The following C5orf47 variants were observed in gnomAD, a reference collection of about 807,000 sequenced individuals.
C5orf47 encodes chromosome 5 open reading frame 47, also known as uncharacterized protein C5orf47.
C5orf47 carries 20 observed loss-of-function variants against 20.6 expected under a neutral mutation model. The observed-to-expected ratio is 0.97, with a 90% CI of 0.68 to 1.41. The LOEUF (loss-of-function observed/expected upper bound fraction) is 1.41. C5orf47 is among the 40% of genes most tolerant of loss of function. C5orf47 has a pLI of 0.00. For missense variants in C5orf47, 262 were observed against 238.4 expected (o/e 1.10, Z -0.65); for synonymous variants, 106 against 97.3 (o/e 1.09, Z -0.53).
rs184983920 is a variant in C5orf47 at position 174,004,675 on chromosome 5, C to G, written c.*421C>G. 178 of 152,370 alleles carry G rather than the reference C, an allele frequency of 1.2e-3. 1 individual carries two copies. Among genetic ancestry groups the G allele is most frequent in the African/African-American group, 3.9e-3 (163 of 41,556 alleles). 9.4% of individuals were successfully genotyped at this position (152,370 alleles called of 1,614,324 possible). ...GTAACTCTTAAATTAAACTTGGATT[C>G]ATTTAAATTATTTTTGGCTTCCTCT... On this transcript the variant is annotated 3_prime_UTR_variant, in exon 5 of 5. Transcript: ENST00000340147.
chr5:174,002,787 T>A (rs1441874899), intron 4 of C5orf47, among the ~76,000 whole-genome samples: 1 of 152,194 alleles, frequency 6.6e-6, no homozygotes, highest in Non-Finnish European at 1.5e-5. Flanking sequence ...AAAATTTTGG[T>A]ACTAGATATA....
chr5:174,008,617 G>A (rs1759327316), downstream of C5orf47, among the ~76,000 whole-genome samples: 1 of 152,054 alleles, frequency 6.6e-6, no homozygotes, highest in African/African-American at 2.4e-5. Context: ...TGGATCACGA[G>A]GTCAGGAGAT....
At chr5:173,999,450 A>G (rs61688703) in intron 2 of C5orf47, among the ~76,000 whole-genome samples, 5,780 of 152,268 alleles carry the variant, frequency 0.038, 114 homozygotes, top group African/African-American at 0.058. Context: ...TTGAAAGGCA[A>G]TTTCATCCAG....
chr5:174,003,235 A>G (rs1759230165), intron 4 of C5orf47, among the ~76,000 whole-genome samples: 1 of 152,206 alleles, frequency 6.6e-6, no homozygotes, highest in Non-Finnish European at 1.5e-5. Flanking sequence ...CATTTTAGAA[A>G]GAATGTGATG....
intron 4 of C5orf47, among the ~76,000 whole-genome samples, chr5:174,002,495 A>C (rs1329588140): frequency 6.6e-6 from 1 of 152,180 alleles, no homozygotes; most frequent in East Asian, 1.9e-4. Flanking sequence ...AATGATTTCA[A>C]ATGTACAGAA....
In C5orf47 at chr5:174,005,760, TTA is replaced by T. The variant is rs1038674103; in HGVS notation, c.*1510_*1511del. 36 of 152,338 alleles carry T rather than the reference TTA, an allele frequency of 2.4e-4. 1 individual carries two copies. Among genetic ancestry groups the T allele is most frequent in the African/African-American group, 8.4e-4 (35 of 41,444 alleles). The allele number at this position is 152,338 out of a possible 1,614,324, so 9.4% of individuals were successfully genotyped here. On this transcript the variant is annotated 3_prime_UTR_variant, in exon 5 of 5. Transcript: ENST00000340147. ...GTTTTAGGTTTGCTTCAATGTATGT[TTA>T]TATTTATGTGACTTATACAACTTGA...
downstream of C5orf47, among the ~76,000 whole-genome samples, chr5:174,008,020 T>C (rs1030680936): frequency 4.6e-5 from 7 of 152,144 alleles, no homozygotes; most frequent in Non-Finnish European, 1.0e-4. Flanking sequence ...ATGTGTGTGC[T>C]CCCAAGGGTG....
chr5:173,990,125 ATT>A (rs11292600), intron 1 of C5orf47, among the ~76,000 whole-genome samples: 17,600 of 138,060 alleles, frequency 0.13, 1,474 homozygotes, highest in East Asian at 0.35. Flanking sequence ...TAGGAAGCCA[ATT>A]TTTTTTTTTT....
At chr5:173,996,829 G>A (rs1252939763) in intron 1 of C5orf47, among the ~76,000 whole-genome samples, 2 of 152,068 alleles carry the variant, frequency 1.3e-5, no homozygotes, top group Non-Finnish European at 2.9e-5. Context: ...GAAGGGAGAC[G>A]ACCAAGTCTT....
At chr5:173,998,305 G>T in intron 2 of C5orf47, 67 bp downstream of exon 2, 1 of 820,208 alleles carries the variant, frequency 1.2e-6, no homozygotes. Context: ...ATACAAATGT[G>T]TAAAGATATT....
At chr5:173,994,805 C>T (rs564776051) in intron 1 of C5orf47, among the ~76,000 whole-genome samples, 1 of 152,106 alleles carries the variant, frequency 6.6e-6, no homozygotes, top group South Asian at 2.1e-4. Context: ...CTTGGGTGTA[C>T]TTAATGTTTG....
chr5:173,995,024 G>A (rs1371377179), intron 1 of C5orf47, among the ~76,000 whole-genome samples: 1 of 152,090 alleles, frequency 6.6e-6, no homozygotes, highest in East Asian at 1.9e-4. Context: ...TGTAGGCCAG[G>A]CTGGTCTTGA....
chr5:173,996,360 T>G (rs929374521), intron 1 of C5orf47, among the ~76,000 whole-genome samples: 3 of 152,224 alleles, frequency 2.0e-5, no homozygotes, highest in Admixed American at 6.5e-5. Flanking sequence ...ATATGTCTTT[T>G]TTCTTTTTCA....
chr5:174,001,975 G>A (rs1027554113), intron 4 of C5orf47, among the ~76,000 whole-genome samples: 9 of 143,582 alleles, frequency 6.3e-5, no homozygotes, highest in Non-Finnish European at 1.4e-4. Flanking sequence ...TTTTTAAAGA[G>A]ACAGGGTTTT....
At chr5:174,001,001 C>T (rs1301616969) in intron 3 of C5orf47, among the ~76,000 whole-genome samples, 195 bp from the exon 4 acceptor site, 2 of 152,098 alleles carry the variant, frequency 1.3e-5, no homozygotes, top group African/African-American at 4.8e-5. Context: ...GCTGTGTTTT[C>T]CATAAATAGC....
Position 173,989,503 on chromosome 5 carries a change from C to T in C5orf47, c.240C>T (p.Thr80=), listed in dbSNP as rs925671556. The change falls in exon 1 of 5, where the codon ACC becomes ACT. Residue 80 remains threonine, a synonymous_variant. Coordinates refer to ENST00000340147, the MANE Select transcript of C5orf47 (RefSeq NM_001144954.2). The stretch of plus-strand genomic sequence containing the variant: ...GTTCCCAGCTCAGGGTCCCCACGAC[C>T]CCTGGTGTGGAGGCTGCGGCCTCTG... ...PLGSQLRVPT[T]PGVEAAASAS... 10 of 1,544,504 alleles carry T rather than the reference C, an allele frequency of 6.5e-6. No homozygotes were observed. In the East Asian group the frequency reaches 2.5e-4, roughly 38 times the overall value.
chr5:174,008,615 G>A (rs1395753845), downstream of C5orf47, among the ~76,000 whole-genome samples: 4 of 152,042 alleles, frequency 2.6e-5, no homozygotes, highest in East Asian at 3.9e-4. Context: ...GGTGGATCAC[G>A]AGGTCAGGAG....
At chr5:173,993,529 A>G (rs1759036404) in intron 1 of C5orf47, among the ~76,000 whole-genome samples, 1 of 152,302 alleles carries the variant, frequency 6.6e-6, no homozygotes, top group East Asian at 1.9e-4. Context: ...CTGTAATCCC[A>G]GCTACTGGGG....
intron 3 of C5orf47, among the ~76,000 whole-genome samples, chr5:174,000,114 T>C (rs971633760): frequency 6.6e-6 from 1 of 152,092 alleles, no homozygotes; most frequent in Non-Finnish European, 1.5e-5. Context: ...AAATACAAGT[T>C]ACGAAGCTCA....
Sources: allele counts gnomAD v4.1 joint callset (sites outside exome capture counted in the v4.1 genomes callset), GRCh38; gene constraint gnomAD v4.1.1; transcripts MANE v1.5; gene names NCBI Gene and HGNC (gene_info 2026-07-23, HGNC 2026-07-21).